Variants in MTCP1 observed in about 807,000 individuals in gnomAD.
The protein encoded by MTCP1 is protein p13 MTCP-1.
In MTCP1, 2 loss-of-function variants were observed where a neutral mutation model predicts 10.6. The ratio of observed to expected loss-of-function variants is 0.19; its 90% CI spans 0.08 to 0.59. The LOEUF (loss-of-function observed/expected upper bound fraction) is 0.59, where lower values mean the gene tolerates loss of function less well. Among genes scored for constraint, MTCP1 ranks in the 20% least tolerant of loss-of-function variants. The pLI is 0.90. For missense variants in MTCP1, 33 were observed against 91.5 expected, an observed-to-expected ratio of 0.36 and a Z score of 2.61; for synonymous variants, 29 against 34.4, an observed-to-expected ratio of 0.84 and a Z score of 0.55.
Position 155,071,096 on chromosome X carries a change from G to A in MTCP1, c.-450C>T, listed in dbSNP as rs2073973040. On this transcript the variant is annotated 5_prime_UTR_variant, in exon 1 of 5. Transcript: ENST00000369476. ...GGGCAAAATGGGCGCCGGTACTCGG[G>A]AGGCGCCTGCCCAGGCGCCCGGGCG... is the stretch of plus-strand genomic sequence containing the variant. The A allele has an allele frequency of 9.0e-6, 1 of 111,029 alleles. No individual in the cohort carries two copies. Among genetic ancestry groups the A allele is most frequent in the South Asian group, 3.6e-4 (1 of 2,774 alleles). The allele number at this position is 111,029 out of a possible 1,213,427, so 9.2% of individuals were successfully genotyped here.
At chrX:155,066,525 T>G (rs1254725862) in intron 1 of MTCP1, among the ~76,000 whole-genome samples, 1 of 112,628 alleles carries the variant, frequency 8.9e-6, no homozygotes, top group Admixed American at 9.4e-5. Flanking sequence ...AAGGTAAGAT[T>G]CTGAAGGACA....
chrX:155,064,134 C>T lies in MTCP1; in HGVS notation c.*1270G>A, dbSNP rs2073939680. On this transcript the variant is annotated 3_prime_UTR_variant, in exon 5 of 5. Transcript: ENST00000369476. ...CTGAGACAAGCAGTATATGCCCTTA[C>T]AATTGCTGGAAAATAATTACACTAA... 4.1e-6 allele frequency: 2 copies of T among 482,222 alleles called. No homozygotes were observed. Among genetic ancestry groups the T allele is most frequent in the Non-Finnish European group, 6.7e-6 (2 of 300,574 alleles). The allele number at this position is 482,222 out of a possible 1,213,427, so 39.7% of individuals were successfully genotyped here.
chrX:155,069,523 T>G (rs1207938762), intron 1 of MTCP1, among the ~76,000 whole-genome samples: 1 of 112,223 alleles, frequency 8.9e-6, no homozygotes, highest in Non-Finnish European at 1.9e-5. Context: ...TAGGGCGCTA[T>G]GAGGTGGGCA....
chrX:155,067,294 A>G (rs1217406784), intron 1 of MTCP1, among the ~76,000 whole-genome samples: 1 of 111,870 alleles, frequency 8.9e-6, no homozygotes, highest in Non-Finnish European at 1.9e-5. Context: ...AAACTCGTCT[A>G]AACTTTCTCT....
In MTCP1 at chrX:155,065,544, G is replaced by GA; in HGVS notation, c.277-8dup. On this transcript the variant is annotated splice_polypyrimidine_tract_variant and splice_region_variant and intron_variant, in intron 3 of 4. Transcript: ENST00000369476. ...GCTCCTGTACTCCCCTGACCTGTCAGAAAAAGAAAAGTTTATGGAGTACTC... is the reference window on the plus strand; with the variant it reads ...GCTCCTGTACTCCCCTGACCTGTCAGAAAAAAGAAAAGTTTATGGAGTACTC... 1 of 1,211,060 alleles carries GA rather than the reference G, an allele frequency of 8.3e-7. No individual in the cohort carries two copies. The highest frequency in any genetic ancestry group is 1.1e-6 in the Non-Finnish European group (1 of 894,767).
In MTCP1 at chrX:155,067,884, G is replaced by A. The variant is rs1476834094; in HGVS notation, c.-47-1827C>T. ...GATTGGCTATGTATACGTGGGTAGA[G>A]ATTGATTCTCTAGGCATAAGCCTCT... On this transcript the variant is annotated intron_variant, in intron 1 of 4. Coordinates refer to ENST00000369476, the MANE Select transcript of MTCP1 (RefSeq NM_001018025.4). Among the ~76,000 whole-genome samples, 52 of 112,051 alleles carry A rather than the reference G, an allele frequency of 4.6e-4. 1 individual carries two copies. The Admixed American group carries it at 4.9e-3, about 11-fold the overall frequency.
chrX:155,069,469 T>C (rs1360299967), intron 1 of MTCP1, among the ~76,000 whole-genome samples: 1 of 112,361 alleles, frequency 8.9e-6, no homozygotes, highest in African/African-American at 3.2e-5. Context: ...TAGCATTTCC[T>C]ATATGTTTAC....
At chrX:155,067,840 A>G (rs1557292133) in intron 1 of MTCP1, among the ~76,000 whole-genome samples, 1 of 111,828 alleles carries the variant, frequency 8.9e-6, no homozygotes, top group African/African-American at 3.3e-5. Context: ...AAACAAAGGA[A>G]CGCCACAGTG....
chrX:155,065,999 C>T lies in MTCP1; in HGVS notation c.12G>A (p.Glu4=). 8.3e-7 allele frequency: 1 copy of T among 1,209,144 alleles called. No homozygotes were observed. The highest frequency in any genetic ancestry group is 1.1e-6 in the Non-Finnish European group (1 of 893,219). The change falls in exon 2 of 5, where the codon GAG becomes GAA. Residue 4 remains glutamate (E), a synonymous_variant. Coordinates refer to ENST00000369476, the MANE Select transcript of MTCP1 (RefSeq NM_001018025.4). MAG[E]DVGAPPDHLW... is the part of the protein sequence containing the mutation. ...GGTGATCGGGTGGAGCCCCCACATC[C>T]TCTCCTGCCATTCTGGGCTTTGGGT...
At chrX:155,069,172 CTT>C (rs1557292222) in intron 1 of MTCP1, among the ~76,000 whole-genome samples, 1 of 112,710 alleles carries the variant, frequency 8.9e-6, no homozygotes, top group African/African-American at 3.2e-5. Flanking sequence ...AGAATAAATT[CTT>C]TTGTGTCTTT....
intron 2 of MTCP1, 22 bp downstream of exon 2, chrX:155,065,884 T>G (rs1487252798): frequency 8.3e-7 from 1 of 1,202,064 alleles, no homozygotes; most frequent in Non-Finnish European, 1.1e-6. Flanking sequence ...ATCAAAGAAA[T>G]AAGCAAAATG....
In MTCP1 at chrX:155,065,477, A is replaced by C. The variant is rs372534312; in HGVS notation, c.*4+9T>G. On this transcript the variant is annotated intron_variant, in intron 4 of 4. Coordinates refer to ENST00000369476, the MANE Select transcript of MTCP1 (RefSeq NM_001018025.4). ...AGGGGGAGGACAGAGGAGAAATAGAAATACATACCAGGTTAGTCATCAGGC... is the reference window on the plus strand; with the variant it reads ...AGGGGGAGGACAGAGGAGAAATAGACATACATACCAGGTTAGTCATCAGGC... 4.7e-5 allele frequency: 56 copies of C among 1,202,034 alleles called. No homozygotes were observed. The highest frequency in any genetic ancestry group is 6.1e-5 in the Non-Finnish European group (54 of 887,649).
At chrX:155,069,593 C>T (rs1223529749) in intron 1 of MTCP1, among the ~76,000 whole-genome samples, 2 of 112,288 alleles carry the variant, frequency 1.8e-5, no homozygotes, top group African/African-American at 6.5e-5. Flanking sequence ...AGTTAGGTAA[C>T]TTGCTCAAGG....
Position 155,065,286 on chromosome X carries a change from T to G in MTCP1, c.*118A>C. ...CTAAACTTCTGTTTCTTGAGCAGTT[T>G]TTCAACCCACTCCCTCCCCCCAGGC... On this transcript the variant is annotated 3_prime_UTR_variant, in exon 5 of 5. Transcript: ENST00000369476. The G allele has an allele frequency of 2.3e-6, 1 of 443,242 alleles. No homozygotes were observed. The highest frequency in any genetic ancestry group is 4.0e-6 in the Non-Finnish European group (1 of 251,836). The allele number at this position is 443,242 out of a possible 1,213,427, so 36.5% of individuals were successfully genotyped here.
Position 155,064,455 on chromosome X carries a change from GTA to G in MTCP1, c.*947_*948del, listed in dbSNP as rs782325953. The G allele has an allele frequency of 2.9e-3, 331 of 113,531 alleles. 1 individual carries two copies. Among genetic ancestry groups the G allele is most frequent in the Non-Finnish European group, 4.0e-3 (216 of 54,258 alleles). The allele number at this position is 113,531 out of a possible 1,213,427, so 9.4% of individuals were successfully genotyped here. On this transcript the variant is annotated 3_prime_UTR_variant, in exon 5 of 5. Transcript: ENST00000369476. Reference sequence around the variant, plus strand: ...TGACAGGAGGATTAAATGTGATAAAGTATATAAAGTACATACAATAGTGCCTG... The same window carrying G: ...TGACAGGAGGATTAAATGTGATAAAGTATAAAGTACATACAATAGTGCCTG...
chrX:155,068,634 A>T (rs1160621958), intron 1 of MTCP1, among the ~76,000 whole-genome samples: 1 of 112,399 alleles, frequency 8.9e-6, no homozygotes, highest in African/African-American at 3.2e-5. Flanking sequence ...ATTCTTAGAA[A>T]ACTTGCTCCC....
intron 1 of MTCP1, among the ~76,000 whole-genome samples, chrX:155,068,598 A>T (rs2073957812): frequency 8.9e-6 from 1 of 112,432 alleles, no homozygotes; most frequent in Non-Finnish European, 1.9e-5. Flanking sequence ...CTATACAATC[A>T]CAGGTTTTAT....
rs1275185409 is a variant in MTCP1, at chrX:155,071,086, C to T, written c.-440G>A. The T allele has an allele frequency of 5.4e-5, 6 of 111,415 alleles. No homozygotes were observed. The highest frequency in any genetic ancestry group is 1.9e-4 in the African/African-American group (6 of 30,855). The allele number at this position is 111,415 out of a possible 1,213,427, so 9.2% of individuals were successfully genotyped here. A position where few individuals can be genotyped will look rare whatever the true frequency, so the allele number is the denominator to read the frequency against. On this transcript the variant is annotated 5_prime_UTR_variant, in exon 1 of 5. Coordinates refer to ENST00000369476, the MANE Select transcript of MTCP1 (RefSeq NM_001018025.4). ...CTTAGCGGGCGGGCAAAATGGGCGC[C>T]GGTACTCGGGAGGCGCCTGCCCAGG...
chrX:155,065,344 G>T lies in MTCP1; in HGVS notation c.*60C>A. Reference sequence around the variant, plus strand: ...TGGGTGCACTGCAGTAGTGGATGAAGTGATTGCCAAATACTGAACAGAACA... The same window carrying T: ...TGGGTGCACTGCAGTAGTGGATGAATTGATTGCCAAATACTGAACAGAACA... On this transcript the variant is annotated 3_prime_UTR_variant, in exon 5 of 5. Coordinates refer to ENST00000369476, the MANE Select transcript of MTCP1 (RefSeq NM_001018025.4). The T allele has an allele frequency of 8.7e-6, 5 of 572,603 alleles. No individual in the cohort carries two copies. Among genetic ancestry groups the T allele is most frequent in the Non-Finnish European group, 1.4e-5 (5 of 352,020 alleles). The allele number at this position is 572,603 out of a possible 1,213,427, so 47.2% of individuals were successfully genotyped here. A position where few individuals can be genotyped will look rare whatever the true frequency, so the allele number is the denominator to read the frequency against.
Sources: allele counts gnomAD v4.1 joint callset (sites outside exome capture counted in the v4.1 genomes callset), GRCh38; gene constraint gnomAD v4.1.1; transcripts MANE v1.5; gene names NCBI Gene and HGNC (gene_info 2026-07-23, HGNC 2026-07-21).